Variants in GLIS1 observed in about 807,000 individuals in gnomAD.
GLIS1 encodes the protein GLIS family zinc finger 1, also known as zinc finger protein GLIS1.
GLIS1 carries 24 observed loss-of-function variants against 63.8 expected under a neutral mutation model. That is an observed-to-expected ratio of 0.38 (90% confidence interval 0.27 to 0.53). The LOEUF is 0.53. Among genes scored for constraint, GLIS1 ranks in the 20% least tolerant of loss-of-function variants. GLIS1 has a pLI of 0.85. For missense variants in GLIS1, 1,036 were observed against 1,074.1 expected, an observed-to-expected ratio of 0.96 and a Z score of 0.50; for synonymous variants, 450 against 482.5, an observed-to-expected ratio of 0.93 and a Z score of 0.88.
chr1:53,674,353 C>T (rs1646189041), intron 2 of GLIS1, among the ~76,000 whole-genome samples: 1 of 152,128 alleles, frequency 6.6e-6, no homozygotes. Context: ...CCTATTGAAA[C>T]AGAATCTCTG....
chr1:53,659,749 C>G (rs1266359497), intron 2 of GLIS1, among the ~76,000 whole-genome samples: 1 of 152,232 alleles, frequency 6.6e-6, no homozygotes, highest in Non-Finnish European at 1.5e-5. Context: ...GAAAGCTGTT[C>G]ATCTACATTG....
intron 3 of GLIS1, among the ~76,000 whole-genome samples, chr1:53,595,491 G>A (rs564887296): frequency 5.9e-5 from 9 of 152,208 alleles, no homozygotes; most frequent in African/African-American, 2.2e-4. Context: ...TGCACTCCAG[G>A]GTGAATGTGG....
intron 2 of GLIS1, among the ~76,000 whole-genome samples, chr1:53,649,673 C>T (rs749756569): frequency 6.6e-6 from 1 of 152,206 alleles, no homozygotes; most frequent in Non-Finnish European, 1.5e-5. Flanking sequence ...GTTGTCATTT[C>T]AGACGGTTCA....
In GLIS1 at chr1:53,573,709, C is replaced by T. The variant is rs1009200309; in HGVS notation, c.1320+20399G>A. On this transcript the variant is annotated intron_variant, in intron 4 of 10. Coordinates refer to ENST00000628545, the MANE Select transcript of GLIS1 (RefSeq NM_001367484.1). ...ACGTGGTGTGAGGAGCACGCAGATG[C>T]ATGCACACATGGGCCCTCAGACACA... Among the ~76,000 whole-genome samples, 5 of 152,334 alleles carry T rather than the reference C, an allele frequency of 3.3e-5. No individual in the cohort carries two copies. In the East Asian group the frequency reaches 7.7e-4, roughly 24 times the overall value.
chr1:53,728,390 C>T (rs1404931439), intron 2 of GLIS1, among the ~76,000 whole-genome samples: 1 of 152,074 alleles, frequency 6.6e-6, no homozygotes, highest in Non-Finnish European at 1.5e-5. Flanking sequence ...GTTTTTTAAG[C>T]ACTTATACAT....
chr1:53,632,769 G>T (rs75441935), intron 2 of GLIS1, among the ~76,000 whole-genome samples: 1 of 150,072 alleles, frequency 6.7e-6, no homozygotes, highest in East Asian at 2.0e-4. Flanking sequence ...GTGTGACTGA[G>T]GGATGTGTGA....
chr1:53,510,966 G>A (rs1361880322), intron 8 of GLIS1, among the ~76,000 whole-genome samples: 1 of 152,320 alleles, frequency 6.6e-6, no homozygotes, highest in South Asian at 2.1e-4. Context: ...GAGCAGCACA[G>A]GTGCCCTGAG....
At chr1:53,666,303 T>C (rs990482428) in intron 2 of GLIS1, among the ~76,000 whole-genome samples, 7 of 152,222 alleles carry the variant, frequency 4.6e-5, no homozygotes, top group African/African-American at 1.7e-4. Flanking sequence ...TTCCCTAACC[T>C]GCAGATAAGG....
intron 2 of GLIS1, among the ~76,000 whole-genome samples, chr1:53,623,578 A>C (rs1437287163): frequency 6.6e-6 from 1 of 152,218 alleles, no homozygotes; most frequent in East Asian, 1.9e-4. Flanking sequence ...ATGAAGATGG[A>C]AAAAGAAGCA....
intron 2 of GLIS1, among the ~76,000 whole-genome samples, chr1:53,653,323 A>G (rs954126482): frequency 4.6e-5 from 7 of 152,146 alleles, no homozygotes; most frequent in African/African-American, 1.7e-4. Context: ...TCCTCTTCCC[A>G]TGGTTTGGTG....
chr1:53,623,805 C>T (rs1645569037), intron 2 of GLIS1, among the ~76,000 whole-genome samples: 1 of 152,186 alleles, frequency 6.6e-6, no homozygotes, highest in Admixed American at 6.5e-5. Flanking sequence ...TCAGAAAACA[C>T]AAAATGCTTA....
chr1:53,533,624 C>T lies in GLIS1; in HGVS notation c.1321-3672G>A, dbSNP rs116527932. 2.6e-3 allele frequency among the ~76,000 whole-genome samples: 403 copies of T among 152,328 alleles called. 2 individuals are homozygous for T. Among genetic ancestry groups the T allele is most frequent in the African/African-American group, 9.4e-3 (392 of 41,572 alleles). On this transcript the variant is annotated intron_variant, in intron 4 of 10. Coordinates refer to ENST00000628545, the MANE Select transcript of GLIS1 (RefSeq NM_001367484.1). ...GGTACCAGCAGACGAAGGGGCACTG[C>T]CCCATCAGGACTGGTCTGGGATGAG...
chr1:53,738,812 C>T (rs1275492549), intron 1 of GLIS1, among the ~76,000 whole-genome samples: 3 of 152,278 alleles, frequency 2.0e-5, no homozygotes, highest in African/African-American at 7.2e-5. Context: ...CACACACCCG[C>T]ACACCCGCCG....
chr1:53,616,637 C>T (rs577663926), intron 2 of GLIS1, among the ~76,000 whole-genome samples: 5 of 152,148 alleles, frequency 3.3e-5, no homozygotes, highest in Admixed American at 3.3e-4. Flanking sequence ...CCTGACAACC[C>T]CTCTCTCCAC....
intron 4 of GLIS1, among the ~76,000 whole-genome samples, chr1:53,541,454 C>T (rs977111271): frequency 2.6e-5 from 4 of 152,248 alleles, no homozygotes; most frequent in Admixed American, 6.5e-5. Context: ...TGGCATCTCA[C>T]GGCCATATGT....
chr1:53,516,040 TG>T (rs1320004569), intron 7 of GLIS1, among the ~76,000 whole-genome samples: 9 of 152,154 alleles, frequency 5.9e-5, no homozygotes, highest in Non-Finnish European at 1.0e-4. Flanking sequence ...GCAGATGCCC[TG>T]GGAGGACTCT....
chr1:53,589,026 T>C (rs1645163108), intron 4 of GLIS1, among the ~76,000 whole-genome samples: 1 of 152,182 alleles, frequency 6.6e-6, no homozygotes, highest in Non-Finnish European at 1.5e-5. Flanking sequence ...GTTGGGCAGG[T>C]CAGCAGATAT....
At chr1:53,723,087 C>G (rs1030160364) in intron 2 of GLIS1, among the ~76,000 whole-genome samples, 2 of 151,228 alleles carry the variant, frequency 1.3e-5, no homozygotes, top group Admixed American at 1.3e-4. Flanking sequence ...GAGCCAAGAT[C>G]GTGACACTGC....
rs182168376 is a variant in GLIS1, at chr1:53,516,983, A to G, written c.1727-2202T>C. 1.4e-3 allele frequency among the ~76,000 whole-genome samples: 212 copies of G among 152,302 alleles called. 1 individual carries two copies. Among genetic ancestry groups the G allele is most frequent in the East Asian group, 3.9e-3 (20 of 5,182 alleles). The stretch of plus-strand genomic sequence containing the variant: ...AAAATAACTACCATTAATTAAAAAC[A>G]TACTATGTGCCACACTGTCTTTCCA... On this transcript the variant is annotated intron_variant, in intron 7 of 10. Transcript: ENST00000628545.
Sources: gnomAD v4.1 joint callset for allele counts (sites outside exome capture counted in the v4.1 genomes callset) on GRCh38, gnomAD v4.1.1 for gene constraint, MANE v1.5 for transcripts, NCBI Gene and HGNC (gene_info 2026-07-23, HGNC 2026-07-21) for gene names.